The following L3MBTL4 variants were observed in gnomAD, a reference collection of about 807,000 sequenced individuals.
L3MBTL4 encodes lethal(3)malignant brain tumor-like protein 4.
A neutral mutation model predicts 84.5 loss-of-function variants in L3MBTL4; 70 were observed. That is an observed-to-expected ratio of 0.83 (90% CI 0.68 to 1.01). The LOEUF is 1.01. Ranked by LOEUF, L3MBTL4 falls within the 50% of genes least tolerant of loss-of-function variation. The probability of loss-of-function intolerance (pLI) is 0.00; values close to 1 mark genes in which losing one functional copy is unlikely to be tolerated. For missense variants in L3MBTL4, 715 were observed against 754.8 expected, an observed-to-expected ratio of 0.95 and a Z score of 0.62; for synonymous variants, 274 against 259.8, an observed-to-expected ratio of 1.05 and a Z score of -0.52.
intron 1 of L3MBTL4, among the ~76,000 whole-genome samples, chr18:6,339,314 A>C (rs1458927018): frequency 6.6e-6 from 1 of 152,250 alleles, no homozygotes; most frequent in Non-Finnish European, 1.5e-5. Context: ...TCTAAACACA[A>C]TGTAATCAAG....
intron 16 of L3MBTL4, among the ~76,000 whole-genome samples, chr18:6,053,700 T>C (rs2056916480): frequency 6.6e-6 from 1 of 152,210 alleles, no homozygotes; most frequent in South Asian, 2.1e-4. Context: ...TGGTTGCGCC[T>C]ATGGTCCACT....
chr18:6,296,516 A>G (rs1197227674), intron 4 of L3MBTL4, among the ~76,000 whole-genome samples: 2 of 152,260 alleles, frequency 1.3e-5, no homozygotes, highest in Non-Finnish European at 2.9e-5. Flanking sequence ...AAATAAGAAA[A>G]GTTAAGAAGA....
At chr18:6,038,111 G>C (rs1370240170) in intron 16 of L3MBTL4, among the ~76,000 whole-genome samples, 2 of 152,036 alleles carry the variant, frequency 1.3e-5, no homozygotes. Flanking sequence ...AGAGAGAGAA[G>C]GGCAGGGATA....
intron 1 of L3MBTL4, among the ~76,000 whole-genome samples, chr18:6,313,544 ATG>A (rs2050938870): frequency 1.3e-5 from 2 of 152,246 alleles, no homozygotes; most frequent in African/African-American, 4.8e-5. Context: ...ACAATGTTTC[ATG>A]CCTAGCTTCT....
chr18:6,106,125 G>A (rs2058998309), intron 14 of L3MBTL4, among the ~76,000 whole-genome samples: 1 of 152,162 alleles, frequency 6.6e-6, no homozygotes, highest in East Asian at 1.9e-4. Flanking sequence ...GTCATTGTAG[G>A]CCAAACAGCT....
chr18:6,350,420 T>C (rs1182148486), intron 1 of L3MBTL4, among the ~76,000 whole-genome samples: 1 of 152,130 alleles, frequency 6.6e-6, no homozygotes, highest in East Asian at 1.9e-4. Flanking sequence ...AATGACTCAG[T>C]TGAAAAATGG....
At chr18:6,264,613 G>A (rs549612009) in intron 4 of L3MBTL4, among the ~76,000 whole-genome samples, 76 of 152,182 alleles carry the variant, frequency 5.0e-4, no homozygotes, top group African/African-American at 1.7e-3. Flanking sequence ...GTGAAACCCC[G>A]TCTCTACTAA....
At chr18:6,057,203 A>G (rs1238584636) in intron 16 of L3MBTL4, among the ~76,000 whole-genome samples, 3 of 151,786 alleles carry the variant, frequency 2.0e-5, no homozygotes, top group African/African-American at 7.3e-5. Context: ...TAATTTTTGT[A>G]TTTTTAGTAG....
At position 6,018,417 on chromosome 18, in the gene L3MBTL4, C is replaced by T. The variant is rs138308236; in HGVS notation, c.1445-48855G>A. On this transcript the variant is annotated intron_variant, in intron 16 of 18. Transcript: ENST00000317931. ...CAGGGCTGAGCCCCCACTGCAAAGGCTAGAACCATGGGAAATTCTGAAGTA... is the reference window on the plus strand; with the variant it reads ...CAGGGCTGAGCCCCCACTGCAAAGGTTAGAACCATGGGAAATTCTGAAGTA... 2.9e-3 allele frequency among the ~76,000 whole-genome samples: 439 copies of T among 152,310 alleles called. 3 individuals carry two copies. Among genetic ancestry groups the T allele is most frequent in the African/African-American group, 9.5e-3 (396 of 41,552 alleles).
chr18:6,174,664 G>C (rs2044141016), intron 12 of L3MBTL4, among the ~76,000 whole-genome samples: 1 of 151,968 alleles, frequency 6.6e-6, no homozygotes, highest in South Asian at 2.1e-4. Flanking sequence ...AGAGCCAGGG[G>C]GTTAAGACTA....
chr18:6,032,333 T>C, intron 16 of L3MBTL4: 1 of 983,546 alleles, frequency 1.0e-6, no homozygotes. Context: ...AAAAAGCTTA[T>C]GATGTGCTGT....
intron 4 of L3MBTL4, among the ~76,000 whole-genome samples, chr18:6,267,962 ATGTTGTT>A (rs2048706486): frequency 6.6e-6 from 1 of 152,170 alleles, no homozygotes; most frequent in Non-Finnish European, 1.5e-5. Context: ...GTTTCTCACC[ATGTTGTT>A]TTATTTTTCA....
intron 13 of L3MBTL4, among the ~76,000 whole-genome samples, chr18:6,163,709 G>A (rs1293688262): frequency 6.6e-6 from 1 of 152,168 alleles, no homozygotes; most frequent in African/African-American, 2.4e-5. Flanking sequence ...GTGAAGCCAA[G>A]ATGGCCAAAT....
intron 1 of L3MBTL4, among the ~76,000 whole-genome samples, chr18:6,388,875 T>C (rs570957300): frequency 9.9e-5 from 15 of 151,868 alleles, no homozygotes; most frequent in Non-Finnish European, 1.8e-4. Flanking sequence ...CAGGTGTCAA[T>C]AGTACTTAAC....
chr18:6,329,243 T>C (rs2051894628), intron 1 of L3MBTL4, among the ~76,000 whole-genome samples: 1 of 146,840 alleles, frequency 6.8e-6, no homozygotes, highest in East Asian at 2.2e-4. Flanking sequence ...AAGCTCCGCC[T>C]CCTGGGTTCA....
chr18:6,364,907 C>T (rs2053862974), intron 1 of L3MBTL4, among the ~76,000 whole-genome samples: 1 of 151,934 alleles, frequency 6.6e-6, no homozygotes, highest in Non-Finnish European at 1.5e-5. Context: ...ATACTATTAA[C>T]TTCCATACCA....
intron 15 of L3MBTL4, among the ~76,000 whole-genome samples, chr18:6,081,594 T>C (rs1390639440): frequency 6.6e-6 from 1 of 152,212 alleles, no homozygotes; most frequent in African/African-American, 2.4e-5. Context: ...AGTAATTTAT[T>C]TGTATATATT....
At chr18:5,968,087 G>A (rs1327965181) in intron 17 of L3MBTL4, among the ~76,000 whole-genome samples, 2 of 152,236 alleles carry the variant, frequency 1.3e-5, no homozygotes, top group Non-Finnish European at 2.9e-5. Flanking sequence ...ATTTCTGGGT[G>A]GGCTTTGGCC....
intron 16 of L3MBTL4, chr18:6,031,936 C>A: frequency 1.4e-6 from 1 of 703,346 alleles, no homozygotes; most frequent in Non-Finnish European, 1.7e-6. Context: ...GTGGTTTGTA[C>A]CCATTAAAAG....
Sources: allele counts gnomAD v4.1 joint callset (sites outside exome capture counted in the v4.1 genomes callset), GRCh38; gene constraint gnomAD v4.1.1; transcripts MANE v1.5; gene names NCBI Gene and HGNC (gene_info 2026-07-23, HGNC 2026-07-21).